Variants in C7orf25 observed in about 807,000 individuals in gnomAD.
C7orf25 encodes the protein chromosome 7 open reading frame 25, also known as UPF0415 protein C7orf25.
Under a neutral mutation model 25.5 loss-of-function variants are expected in C7orf25, and 14 were observed. The ratio of observed to expected loss-of-function variants is 0.55; its 90% CI spans 0.36 to 0.86. C7orf25 has a LOEUF of 0.86. Among genes scored for constraint, C7orf25 ranks in the 40% least tolerant of loss-of-function variants. C7orf25 has a pLI of 0.01. For missense variants in C7orf25, 405 were observed against 493.9 expected (o/e 0.82, Z 1.71); for synonymous variants, 184 against 179.9 (o/e 1.02, Z -0.18).
Position 42,910,553 on chromosome 7 carries a change from C to T in C7orf25, c.348G>A (p.Trp116Ter). ...VDVVANGGHT[W>*]VKAIGRKAEA... is the part of the protein sequence containing the mutation. ...CAGCCTTCCGGCCAATGGCTTTCACCCAAGTATGACCACCATTTGCAACTA... is the reference window on the plus strand; with the variant it reads ...CAGCCTTCCGGCCAATGGCTTTCACTCAAGTATGACCACCATTTGCAACTA... The change falls in exon 2 of 2, where the codon TGG becomes TGA. Residue 116 changes from tryptophan to a stop codon, truncating the protein, a stop_gained. Transcript: ENST00000350427. LOFTEE classifies it high-confidence loss of function. The T allele has an allele frequency of 6.2e-7, 1 of 1,614,222 alleles. No individual in the cohort carries two copies. The highest frequency in any genetic ancestry group is 8.5e-7 in the Non-Finnish European group (1 of 1,180,048).
chr7:42,911,455 T>C (rs1169523159), intron 1 of C7orf25: 4 of 1,004,258 alleles, frequency 4.0e-6, no homozygotes, highest in East Asian at 1.1e-4. Context: ...CCCCCGAGGC[T>C]TGGGGTACTT....
At chr7:42,911,032 CTA>C in intron 1 of C7orf25, 111 bp from the exon 2 acceptor site, 1 of 1,548,078 alleles carries the variant, frequency 6.5e-7, no homozygotes. Flanking sequence ...GAGGGTGAGT[CTA>C]TGAACCCGGG....
Position 42,909,491 on chromosome 7 carries a change from T to C in C7orf25, c.*144A>G, listed in dbSNP as rs150491185. On this transcript the variant is annotated 3_prime_UTR_variant, in exon 2 of 2. Transcript: ENST00000350427. ...TTCTACTTTGGGAGGTTATATACTTTAGATGAGAGACAAAGAAACTCTACT... is the reference window on the plus strand; with the variant it reads ...TTCTACTTTGGGAGGTTATATACTTCAGATGAGAGACAAAGAAACTCTACT... 4.6e-5 allele frequency: 38 copies of C among 833,456 alleles called. No homozygotes were observed. Among genetic ancestry groups the C allele is most frequent in the African/African-American group, 4.3e-4 (25 of 58,076 alleles). 51.6% of individuals were successfully genotyped at this position (833,456 alleles called of 1,614,324 possible). A position where few individuals can be genotyped will look rare whatever the true frequency, so the allele number is the denominator to read the frequency against.
Position 42,910,465 on chromosome 7 carries a change from C to T in C7orf25, c.436G>A (p.Ala146Thr), listed in dbSNP as rs376868177. 1.9e-5 allele frequency: 30 copies of T among 1,614,246 alleles called. No individual in the cohort carries two copies. Among genetic ancestry groups the T allele is most frequent in the Non-Finnish European group, 2.5e-5 (30 of 1,180,054 alleles). ...TGACTGGCCTGGAGGAAGTCTTCAG[C>T]CTGCTCAATGATGCTTTTGTCACCA... ...QYGDKSIIEQAEDFLQASHQQ... is the reference protein window; with the variant it reads ...QYGDKSIIEQTEDFLQASHQQ... The change falls in exon 2 of 2, where the codon GCT becomes ACT. Residue 146 changes from alanine to threonine, a missense_variant. Coordinates refer to ENST00000350427, the MANE Select transcript of C7orf25 (RefSeq NM_001099858.2).
In C7orf25 at chr7:42,911,948, G is replaced by A. The variant is rs754433834; in HGVS notation, c.-55C>T. The A allele has an allele frequency of 5.9e-5, 87 of 1,486,906 alleles. No individual in the cohort carries two copies. The East Asian group carries it at 8.7e-4, about 15-fold the overall frequency. The allele number at this position is 1,486,906 out of a possible 1,614,324, so 92.1% of individuals were successfully genotyped here. A position where few individuals can be genotyped will look rare whatever the true frequency, so the allele number is the denominator to read the frequency against. On this transcript the variant is annotated 5_prime_UTR_variant, in exon 1 of 2. Coordinates refer to ENST00000350427, the MANE Select transcript of C7orf25 (RefSeq NM_001099858.2). ...CCAGAACCGCGAGCGCGAGCACGCA[G>A]GCGCGTGCACGCAGAGGCCGGGACC...
intron 1 of C7orf25, 187 bp downstream of exon 1, chr7:42,911,728 A>C (rs1785907088): frequency 8.4e-7 from 1 of 1,189,228 alleles, no homozygotes; most frequent in Admixed American, 4.5e-5. Context: ...GGCCACCTGC[A>C]CAGCCGGGCC....
chr7:42,909,786 G>C lies in C7orf25; in HGVS notation c.1115C>G (p.Thr372Arg). The C allele has an allele frequency of 6.2e-7, 1 of 1,614,172 alleles. No homozygotes were observed. Among genetic ancestry groups the C allele is most frequent in the Middle Eastern group, 1.6e-4 (1 of 6,062 alleles). Residue 372 changes from threonine (T) to arginine (R), a missense_variant, in exon 2 of 2, where the codon ACA becomes AGA. Transcript: ENST00000350427. ...GACAAAACCACTATTAGCAGTCATT[G>C]TGATGGCTTTTAGGGTGTCTCCCGT... ...FGTGDTLKAI[T>R]MTANSGFVRA...
In C7orf25 at chr7:42,909,715, G is replaced by A. The variant is rs1748696820; in HGVS notation, c.1186C>T (p.Gln396Ter). ...TTACTCTCAGTAAGTGCTCTGGGCT[G>A]ATGGATAAACACACTAAATTTAACA... ...QGVKFSVFIH[Q>*]PRALTESKEA... Residue 396 changes from glutamine to a stop codon, truncating the protein, a stop_gained, in exon 2 of 2, where the codon CAG (glutamine) becomes TAG (stop). Coordinates refer to ENST00000350427, the MANE Select transcript of C7orf25 (RefSeq NM_001099858.2). LOFTEE classifies it high-confidence loss of function. 1 of 1,614,096 alleles carries A rather than the reference G, an allele frequency of 6.2e-7. No homozygotes were observed. The highest frequency in any genetic ancestry group is 1.1e-5 in the South Asian group (1 of 91,088).
rs1298792936 is a variant in C7orf25 at position 42,910,624 on chromosome 7, CAA to C, written c.275_276del (p.Phe92TrpfsTer33). 2 of 1,614,002 alleles carry C rather than the reference CAA, an allele frequency of 1.2e-6. No homozygotes were observed. The highest frequency in any genetic ancestry group is 1.7e-6 in the Non-Finnish European group (2 of 1,180,048). ...LEEVVSVLHV[F>X]GYTDTLGEKQ... Reference sequence around the variant, plus strand: ...TTTTCTCCTAAGGTATCTGTATAACCAAAGACATGAAGAACACTAACAACTTC... The same window carrying C: ...TTTTCTCCTAAGGTATCTGTATAACCAGACATGAAGAACACTAACAACTTC... On this transcript the variant is annotated frameshift_variant, in exon 2 of 2. Coordinates refer to ENST00000350427, the MANE Select transcript of C7orf25 (RefSeq NM_001099858.2). LOFTEE classifies it high-confidence loss of function.
At chr7:42,911,533 G>A in intron 1 of C7orf25, 1 of 999,780 alleles carries the variant, frequency 1.0e-6, no homozygotes, top group Non-Finnish European at 1.2e-6. Context: ...TTAAAAGACC[G>A]AAGAAGACCA....
intron 1 of C7orf25, 179 bp from the exon 2 acceptor site, chr7:42,911,100 G>A (rs775136986): frequency 8.5e-6 from 9 of 1,064,092 alleles, no homozygotes; most frequent in Non-Finnish European, 9.8e-6. Flanking sequence ...AGGAAAGGAT[G>A]GCAGCTACAC....
chr7:42,909,672 G>T lies in C7orf25; in HGVS notation c.1229C>A (p.Pro410His), dbSNP rs765807725. Residue 410 changes from proline to histidine, a missense_variant, in exon 2 of 2, where the codon CCC becomes CAC. Transcript: ENST00000350427. ...GTCAGTTGTGTAGTCTTTTGGTAAG[G>T]GGGTGGCTAGAGCCTCTTTACTCTC... ...LTESKEALAT[P>H]LPKDYTTDSE... 7 of 1,614,002 alleles carry T rather than the reference G, an allele frequency of 4.3e-6. No individual in the cohort carries two copies. The highest frequency in any genetic ancestry group is 5.9e-6 in the Non-Finnish European group (7 of 1,179,972).
Position 42,910,595 on chromosome 7 carries a change from T to C in C7orf25, c.306A>G (p.Gln102=), listed in dbSNP as rs1273255478. 1.9e-6 allele frequency: 3 copies of C among 1,614,180 alleles called. No homozygotes were observed. Among genetic ancestry groups the C allele is most frequent in the South Asian group, 1.1e-5 (1 of 91,090 alleles). ...TTGCAACTACATCTACCACAAGGGT[T>C]TGCTTTTCTCCTAAGGTATCTGTAT... is the stretch of plus-strand genomic sequence containing the variant. ...FGYTDTLGEK[Q]TLVVDVVANG... Residue 102 remains glutamine, a synonymous_variant, in exon 2 of 2, where the codon CAA becomes CAG. Coordinates refer to ENST00000350427, the MANE Select transcript of C7orf25 (RefSeq NM_001099858.2).
At position 42,909,988 on chromosome 7, in the gene C7orf25, C is replaced by G. The variant is rs745660290; in HGVS notation, c.913G>C (p.Glu305Gln). The G allele has an allele frequency of 6.2e-6, 10 of 1,614,074 alleles. No homozygotes were observed. The highest frequency in any genetic ancestry group is 8.5e-6 in the Non-Finnish European group (10 of 1,180,052). The change falls in exon 2 of 2, where the codon GAA becomes CAA. Residue 305 changes from glutamate to glutamine, a missense_variant. Coordinates refer to ENST00000350427, the MANE Select transcript of C7orf25 (RefSeq NM_001099858.2). ...FMKDKELFACESAVKDFQSIL... is the reference protein window; with the variant it reads ...FMKDKELFACQSAVKDFQSIL... ...GACTGAAAGTCCTTGACAGCAGATT[C>G]ACAAGCAAACAACTCCTTGTCCTTC...
chr7:42,911,598 T>C, intron 1 of C7orf25: 1 of 1,040,426 alleles, frequency 9.6e-7, no homozygotes, highest in Non-Finnish European at 1.2e-6. Context: ...AAGATGAAAC[T>C]AAACTCCAAG....
In C7orf25 at chr7:42,909,920, G is replaced by A. The variant is rs781422722; in HGVS notation, c.981C>T (p.Ala327=). The change falls in exon 2 of 2, where the codon GCC becomes GCT. Residue 327 remains alanine, a synonymous_variant. Transcript: ENST00000350427. ...CATTAATTCGCTTAATTAACACAGT[G>A]GCCCTCTCTCTCTCCCCAGGTCCTC... ...TLGGPGERER[A]TVLIKRINVV... is the part of the protein sequence containing the mutation. The A allele has an allele frequency of 1.2e-6, 2 of 1,614,122 alleles. No individual in the cohort carries two copies. The highest frequency in any genetic ancestry group is 2.2e-5 in the South Asian group (2 of 91,068).
rs370605170 is a variant in C7orf25 at position 42,912,022 on chromosome 7, G to T, written c.-129C>A. 2.2e-5 allele frequency: 33 copies of T among 1,482,716 alleles called. No individual in the cohort carries two copies. In the African/African-American group the frequency reaches 3.8e-4, roughly 17 times the overall value. 91.8% of individuals were successfully genotyped at this position (1,482,716 alleles called of 1,614,324 possible). ...GCCCCCACCCCGCTCGAACGCCGAG[G>T]CGGCTCCACCCGCGCGAGCCCCGCC... is the stretch of plus-strand genomic sequence containing the variant. On this transcript the variant is annotated 5_prime_UTR_variant, in exon 1 of 2. Transcript: ENST00000350427.
chr7:42,909,587 C>A lies in C7orf25; in HGVS notation c.*48G>T. 1 of 1,550,518 alleles carries A rather than the reference C, an allele frequency of 6.4e-7. No homozygotes were observed. Among genetic ancestry groups the A allele is most frequent in the Non-Finnish European group, 8.7e-7 (1 of 1,151,610 alleles). ...CACCAGTTTAGATGGGAAGACCCAGCCTTTGGTATAAATAACTTACTTCCA... is the reference window on the plus strand; with the variant it reads ...CACCAGTTTAGATGGGAAGACCCAGACTTTGGTATAAATAACTTACTTCCA... On this transcript the variant is annotated 3_prime_UTR_variant, in exon 2 of 2. Coordinates refer to ENST00000350427, the MANE Select transcript of C7orf25 (RefSeq NM_001099858.2).
chr7:42,909,844 T>TTGAAC lies in C7orf25; in HGVS notation c.1052_1056dup (p.Lys353ValfsTer9). On this transcript the variant is annotated frameshift_variant, in exon 2 of 2. Transcript: ENST00000350427. LOFTEE classifies it high-confidence loss of function. ...ATTGTTAATGAGCGGCTATTAATTT[T>TTGAAC]TGAACTGGCCACTAGTCTCAAGGCA... The TTGAAC allele has an allele frequency of 6.2e-7, 1 of 1,614,248 alleles. No homozygotes were observed. The highest frequency in any genetic ancestry group is 8.5e-7 in the Non-Finnish European group (1 of 1,180,052).
Sources: gnomAD v4.1 joint callset for allele counts on GRCh38, gnomAD v4.1.1 for gene constraint, MANE v1.5 for transcripts, NCBI Gene and HGNC (gene_info 2026-07-23, HGNC 2026-07-21) for gene names.